The following USP34 variants were observed in gnomAD, a reference collection of about 807,000 sequenced individuals.
The protein encoded by USP34 is ubiquitin carboxyl-terminal hydrolase 34.
A neutral mutation model predicts 460.3 loss-of-function variants in USP34; 70 were observed. That is an observed-to-expected ratio of 0.15 (90% CI 0.13 to 0.19). USP34 has a LOEUF of 0.19. USP34 is among the 10% of genes least tolerant of loss of function. The probability of loss-of-function intolerance (pLI) is 1.00; values close to 1 mark genes in which losing one functional copy is unlikely to be tolerated. For synonymous variants in USP34, 1,647 were observed against 1,405.3 expected, an observed-to-expected ratio of 1.17 and a Z score of -3.85; for missense variants, 3,985 against 4,236.2, an observed-to-expected ratio of 0.94 and a Z score of 1.65.
intron 1 of USP34, among the ~76,000 whole-genome samples, chr2:61,447,135 G>C (rs912885348): frequency 2.0e-5 from 3 of 151,316 alleles, no homozygotes; most frequent in African/African-American, 4.9e-5. Flanking sequence ...TGCACCTGCA[G>C]TCTCAGCTAC....
At chr2:61,218,315 GGA>G (rs1687462796) in intron 67 of USP34, among the ~76,000 whole-genome samples, 2 of 103,400 alleles carry the variant, frequency 1.9e-5, no homozygotes, top group South Asian at 7.5e-4. Flanking sequence ...TAAACTTCCA[GGA>G]AAAAAAAAAA....
At position 61,464,582 on chromosome 2, in the gene USP34, C is replaced by T. The variant is rs556935132; in HGVS notation, c.43+6068G>A. ...CGAATACACAGAGTAAAATCTACAACACATAAGTGGTTTAAAACAATGACG... is the reference window on the plus strand; with the variant it reads ...CGAATACACAGAGTAAAATCTACAATACATAAGTGGTTTAAAACAATGACG... On this transcript the variant is annotated intron_variant, in intron 1 of 79. Transcript: ENST00000398571. Among the ~76,000 whole-genome samples, 10 of 152,072 alleles carry T rather than the reference C, an allele frequency of 6.6e-5. No individual in the cohort carries two copies. The East Asian group carries it at 1.2e-3, about 18-fold the overall frequency.
At chr2:61,334,387 G>A (rs140662214) in intron 18 of USP34, among the ~76,000 whole-genome samples, 4 of 152,176 alleles carry the variant, frequency 2.6e-5, no homozygotes, top group East Asian at 3.9e-4. Context: ...ATAAGGAGCA[G>A]AAAGGGGAAA....
chr2:61,265,755 A>T (rs1689027172), intron 42 of USP34, 198 bp from the exon 43 acceptor site: 1 of 707,044 alleles, frequency 1.4e-6, no homozygotes, highest in Non-Finnish European at 2.0e-6. Flanking sequence ...TTAAAACTTG[A>T]TTTTACTTGG....
At chr2:61,246,160 T>C (rs1688411729) in intron 50 of USP34, among the ~76,000 whole-genome samples, 164 bp downstream of exon 50, 1 of 152,222 alleles carries the variant, frequency 6.6e-6, no homozygotes, top group Non-Finnish European at 1.5e-5. Context: ...GATCCGTATG[T>C]TTAAGAACTG....
chr2:61,293,457 C>CA lies in USP34; in HGVS notation c.4548+6dup, dbSNP rs772055766. The CA allele has an allele frequency of 1.2e-6, 2 of 1,605,616 alleles. No individual in the cohort carries two copies. The highest frequency in any genetic ancestry group is 2.7e-5 in the African/African-American group (2 of 74,656). ...GTAACTAGTTGAAACCATAAATATG[C>CA]ACTTACCACAGTCCATGATTCCTGC... On this transcript the variant is annotated splice_region_variant and intron_variant, in intron 33 of 79. Transcript: ENST00000398571.
intron 21 of USP34, among the ~76,000 whole-genome samples, chr2:61,324,991 G>C (rs1691041602): frequency 6.6e-6 from 1 of 152,034 alleles, no homozygotes; most frequent in Non-Finnish European, 1.5e-5. Flanking sequence ...AACTAACTCA[G>C]AAACAGAAAA....
At chr2:61,362,569 T>G (rs979054137) in intron 10 of USP34, among the ~76,000 whole-genome samples, 1 of 152,160 alleles carries the variant, frequency 6.6e-6, no homozygotes, top group Non-Finnish European at 1.5e-5. Flanking sequence ...CAAAGAGAGA[T>G]AAATGCTGCA....
At chr2:61,390,676 T>C (rs1488030896) in intron 5 of USP34, among the ~76,000 whole-genome samples, 2 of 152,188 alleles carry the variant, frequency 1.3e-5, no homozygotes, top group African/African-American at 4.8e-5. Flanking sequence ...GGGCTTGACG[T>C]TATTATCAGA....
chr2:61,289,770 A>C (rs966346912), intron 33 of USP34, among the ~76,000 whole-genome samples: 16 of 152,192 alleles, frequency 1.1e-4, no homozygotes, highest in African/African-American at 3.6e-4. Flanking sequence ...TCAATATTGC[A>C]TACACAAAAC....
At position 61,298,779 on chromosome 2, in the gene USP34, T is replaced by TAA. The variant is rs201811039; in HGVS notation, c.4129-1856_4129-1855dup. On this transcript the variant is annotated intron_variant, in intron 29 of 79. Coordinates refer to ENST00000398571, the MANE Select transcript of USP34 (RefSeq NM_014709.4). ...CTTAAAACCAGCCATAATGATGGAT[T>TAA]AAAAAAAAAAAATCATTTAGGTCCT... Among the ~76,000 whole-genome samples, 408 of 146,706 alleles carry TAA rather than the reference T, an allele frequency of 2.8e-3. 2 individuals are homozygous for TAA. Among genetic ancestry groups the TAA allele is most frequent in the Non-Finnish European group, 5.3e-3 (350 of 66,252 alleles).
In USP34 at chr2:61,394,875, G is replaced by C. The variant is rs748796993; in HGVS notation, c.731C>G (p.Ala244Gly). Residue 244 changes from alanine to glycine, a missense_variant, in exon 5 of 80, where the codon GCG becomes GGG. Coordinates refer to ENST00000398571, the MANE Select transcript of USP34 (RefSeq NM_014709.4). ...PETLPFLIAH[A>G]FITVVSNIRI... Reference sequence around the variant, plus strand: ...TACATTAGACACAACTGTAATAAACGCATGTGCTATAAGAAATGGCAAAGT... The same window carrying C: ...TACATTAGACACAACTGTAATAAACCCATGTGCTATAAGAAATGGCAAAGT... The C allele has an allele frequency of 1.3e-6, 2 of 1,589,384 alleles. No homozygotes were observed. Among genetic ancestry groups the C allele is most frequent in the East Asian group, 2.3e-5 (1 of 43,862 alleles).
At chr2:61,208,003 G>A (rs1038017307) in intron 70 of USP34, 8 of 152,272 alleles carry the variant, frequency 5.3e-5, no homozygotes, top group African/African-American at 1.7e-4. Context: ...TGGTGACTCT[G>A]CAGCCATCTC....
intron 16 of USP34, among the ~76,000 whole-genome samples, 187 bp downstream of exon 16, chr2:61,343,628 T>C (rs1691671383): frequency 6.6e-6 from 1 of 152,154 alleles, no homozygotes; most frequent in Non-Finnish European, 1.5e-5. Context: ...GACTTATTTA[T>C]ATTCATGATG....
At position 61,314,569 on chromosome 2, in the gene USP34, A is replaced by G. The variant is rs779216706; in HGVS notation, c.3542+16T>C. On this transcript the variant is annotated intron_variant, in intron 25 of 79. Coordinates refer to ENST00000398571, the MANE Select transcript of USP34 (RefSeq NM_014709.4). Reference sequence around the variant, plus strand: ...AAATGAAATTCATTCTAACAGTGTGATATTTTAAAAATTACCTTCTCCTAA... The same window carrying G: ...AAATGAAATTCATTCTAACAGTGTGGTATTTTAAAAATTACCTTCTCCTAA... 5.4e-6 allele frequency: 8 copies of G among 1,468,418 alleles called. No individual in the cohort carries two copies. The highest frequency in any genetic ancestry group is 1.4e-5 in the African/African-American group (1 of 69,992). 91.0% of individuals were successfully genotyped at this position (1,468,418 alleles called of 1,614,324 possible). A position where few individuals can be genotyped will look rare whatever the true frequency, so the allele number is the denominator to read the frequency against.
intron 1 of USP34, among the ~76,000 whole-genome samples, chr2:61,456,343 T>C (rs1165925430): frequency 6.6e-6 from 1 of 152,310 alleles, no homozygotes; most frequent in East Asian, 1.9e-4. Flanking sequence ...GTCCATCCTC[T>C]TTGAACTCTA....
chr2:61,423,399 A>T (rs1372874111), intron 1 of USP34, among the ~76,000 whole-genome samples: 1 of 152,174 alleles, frequency 6.6e-6, no homozygotes, highest in African/African-American at 2.4e-5. Context: ...GGTCAGATGC[A>T]TTTCTAATAC....
rs764703263 is a variant in USP34, at chr2:61,288,904, C to T, written c.4549-27G>A. On this transcript the variant is annotated intron_variant, in intron 33 of 79. Transcript: ENST00000398571. ...TGTAAATGAGAAGAAATAGTCAATT[C>T]CCTATTTTCATTAATTTAGAATGGC... The T allele has an allele frequency of 6.2e-6, 10 of 1,603,410 alleles. No homozygotes were observed. In the African/African-American group the frequency reaches 8.0e-5, roughly 13 times the overall value.
chr2:61,283,201 C>T lies in USP34; in HGVS notation c.4942G>A (p.Ala1648Thr). 1.2e-6 allele frequency: 2 copies of T among 1,613,504 alleles called. No individual in the cohort carries two copies. The highest frequency in any genetic ancestry group is 1.1e-5 in the South Asian group (1 of 91,062). Residue 1648 changes from alanine to threonine, a missense_variant, in exon 37 of 80, where the codon GCT becomes ACT. Physicochemically the swap from Ala to Thr is moderately conservative, Grantham distance 58 (BLOSUM62 0). This residue lies in a region of USP34 where 1,114 missense variants were observed against 1,122.5 expected (regional missense o/e 0.99). Coordinates refer to ENST00000398571, the MANE Select transcript of USP34 (RefSeq NM_014709.4). ...CAATCTTGTAAATGATCGCTATCAG[C>T]AAGGCTAGATTTCACTAAAGAACAG... ...HCCSLVKSSL[A>T]DSDHLQDWLK...
Sources: gnomAD v4.1 joint callset for allele counts (sites outside exome capture counted in the v4.1 genomes callset) on GRCh38, gnomAD v4.1.1 for gene constraint, gnomAD v4.1.1 regional missense constraint, MANE v1.5 for transcripts, NCBI Gene and HGNC (gene_info 2026-07-23, HGNC 2026-07-21) for gene names.